RAB27A: variants seen among roughly 807,000 people sequenced by gnomAD.
RAB27A encodes ras-related protein Rab-27A.
Under a neutral mutation model 20.8 loss-of-function variants are expected in RAB27A, and 17 were observed. The ratio of observed to expected loss-of-function variants is 0.82; its 90% CI spans 0.56 to 1.23. The LOEUF is 1.23. Among genes scored for constraint, RAB27A ranks in the 50% most tolerant of loss-of-function variants. The pLI is 0.00. For synonymous variants in RAB27A, 85 were observed against 92.8 expected (o/e 0.92, Z 0.48); for missense variants, 277 against 266.7 (o/e 1.04, Z -0.27).
At chr15:55,227,728 C>T (rs1895866681) in intron 5 of RAB27A, among the ~76,000 whole-genome samples, 1 of 152,188 alleles carries the variant, frequency 6.6e-6, no homozygotes, top group African/African-American at 2.4e-5. Flanking sequence ...GTGAAAACCA[C>T]AGTGCACTAA....
intron 2 of RAB27A, among the ~76,000 whole-genome samples, chr15:55,313,438 C>T (rs773224096): frequency 6.6e-6 from 1 of 152,126 alleles, no homozygotes; most frequent in Non-Finnish European, 1.5e-5. Flanking sequence ...CTCAAAAGAT[C>T]ATACTAAATT....
At chr15:55,257,347 G>A (rs933285240) in intron 2 of RAB27A, among the ~76,000 whole-genome samples, 2 of 152,180 alleles carry the variant, frequency 1.3e-5, no homozygotes, top group African/African-American at 4.8e-5. Context: ...GTAGCCAACA[G>A]TGAAAGCTCC....
chr15:55,270,442 A>AT (rs1353315601), intron 1 of RAB27A, 158 bp from the exon 2 acceptor site: 1 of 152,184 alleles, frequency 6.6e-6, no homozygotes, highest in Non-Finnish European at 1.5e-5. Context: ...TGTTTGTCAT[A>AT]TGGCACTGCA....
chr15:55,209,199 A>T (rs998304797), intron 6 of RAB27A, among the ~76,000 whole-genome samples: 1 of 152,184 alleles, frequency 6.6e-6, no homozygotes, highest in Non-Finnish European at 1.5e-5. Flanking sequence ...GTTGTAAACT[A>T]TAGTCACCCT....
At chr15:55,215,628 G>T (rs1429996875) in intron 6 of RAB27A, among the ~76,000 whole-genome samples, 1 of 136,342 alleles carries the variant, frequency 7.3e-6, no homozygotes, top group African/African-American at 3.0e-5. Flanking sequence ...CTCCAGCCTG[G>T]GCGACAGAGC....
chr15:55,219,244 A>C (rs1895453765), intron 6 of RAB27A, among the ~76,000 whole-genome samples: 1 of 152,160 alleles, frequency 6.6e-6, no homozygotes. Context: ...TTCCCAGCCT[A>C]TATCATAGGT....
chr15:55,310,297 G>A (rs1242029785), intron 2 of RAB27A, among the ~76,000 whole-genome samples: 1 of 152,122 alleles, frequency 6.6e-6, no homozygotes, highest in Admixed American at 6.6e-5. Flanking sequence ...CAGTGTCCAG[G>A]AGACAGTTAA....
chr15:55,303,921 G>C (rs1220531991), intron 2 of RAB27A, among the ~76,000 whole-genome samples: 1 of 147,596 alleles, frequency 6.8e-6, no homozygotes, highest in African/African-American at 2.6e-5. Flanking sequence ...ACTGGGAAGT[G>C]AGGAGCCCCT....
chr15:55,228,504 T>C, intron 5 of RAB27A, 105 bp downstream of exon 5: 1 of 895,456 alleles, frequency 1.1e-6, no homozygotes, highest in Non-Finnish European at 1.9e-6. Context: ...GTATTTGCAC[T>C]AAGATCTCCT....
intron 1 of RAB27A, among the ~76,000 whole-genome samples, chr15:55,316,889 C>T (rs1371596593): frequency 1.3e-5 from 2 of 152,162 alleles, no homozygotes; most frequent in Non-Finnish European, 2.9e-5. Flanking sequence ...GATTGAATGA[C>T]TGCCAAAATA....
chr15:55,235,083 AAG>A (rs1238507132), intron 2 of RAB27A, 127 bp from the exon 3 acceptor site: 2 of 764,246 alleles, frequency 2.6e-6, no homozygotes, highest in East Asian at 2.7e-5. Flanking sequence ...GTTGTATGAA[AAG>A]AGAGTTACAT....
intron 2 of RAB27A, among the ~76,000 whole-genome samples, chr15:55,248,553 G>A (rs964602829): frequency 1.3e-5 from 2 of 152,160 alleles, no homozygotes; most frequent in East Asian, 3.8e-4. Context: ...TGGGAAAAGA[G>A]CCATTCTGGA....
chr15:55,278,699 G>A (rs1279212178), intron 1 of RAB27A, among the ~76,000 whole-genome samples: 2 of 151,942 alleles, frequency 1.3e-5, no homozygotes, highest in Admixed American at 1.3e-4. Flanking sequence ...AGCCAGGATG[G>A]TCTCGATCTC....
At chr15:55,301,323 A>G (rs1214189745) in intron 2 of RAB27A, among the ~76,000 whole-genome samples, 1 of 152,208 alleles carries the variant, frequency 6.6e-6, no homozygotes, top group African/African-American at 2.4e-5. Context: ...TTAAAATGAC[A>G]ATTTAAAAAA....
chr15:55,264,259 C>G (rs1000418257), intron 2 of RAB27A, among the ~76,000 whole-genome samples: 1 of 152,182 alleles, frequency 6.6e-6, no homozygotes, highest in African/African-American at 2.4e-5. Flanking sequence ...CCATGTTGCC[C>G]AGGCTGGTCT....
chr15:55,299,676 A>G (rs895431314), intron 2 of RAB27A, among the ~76,000 whole-genome samples: 9 of 152,066 alleles, frequency 5.9e-5, no homozygotes, highest in African/African-American at 2.2e-4. Flanking sequence ...AGACATGACA[A>G]CTAAATTCAA....
intron 2 of RAB27A, among the ~76,000 whole-genome samples, chr15:55,243,618 C>A (rs1896576946): frequency 6.6e-6 from 1 of 150,812 alleles, no homozygotes; most frequent in South Asian, 2.1e-4. Context: ...CACAGCGAGA[C>A]TCTATCTCAA....
intron 2 of RAB27A, among the ~76,000 whole-genome samples, chr15:55,309,058 T>G (rs1341971012): frequency 6.6e-6 from 1 of 152,192 alleles, no homozygotes; most frequent in Non-Finnish European, 1.5e-5. Flanking sequence ...ACACTGGGGC[T>G]TGGGTTAGGG....
chr15:55,214,884 T>C (rs556072477), intron 6 of RAB27A, among the ~76,000 whole-genome samples: 9 of 152,338 alleles, frequency 5.9e-5, no homozygotes, highest in African/African-American at 1.9e-4. Context: ...AATAGAATTT[T>C]AGAATGAGAT....
Sources: allele counts gnomAD v4.1 joint callset (sites outside exome capture counted in the v4.1 genomes callset), GRCh38; gene constraint gnomAD v4.1.1; transcripts MANE v1.5; gene names NCBI Gene and HGNC (gene_info 2026-07-23, HGNC 2026-07-21).